The following KIAA1614 variants were observed in gnomAD, a reference collection of about 807,000 sequenced individuals.
KIAA1614 encodes the protein uncharacterized protein KIAA1614.
In KIAA1614, 76 loss-of-function variants were observed where a neutral mutation model predicts 88.7. That is an observed-to-expected ratio of 0.86 (90% CI 0.71 to 1.04). The LOEUF (loss-of-function observed/expected upper bound fraction) is 1.04, where lower values mean the gene tolerates loss of function less well. Ranked by LOEUF, KIAA1614 falls within the 50% of genes least tolerant of loss-of-function variation. KIAA1614 has a pLI of 0.00. For synonymous variants in KIAA1614, 714 were observed against 675.5 expected (o/e 1.06, Z -0.88); for missense variants, 1,553 against 1,582.5 (o/e 0.98, Z 0.32).
rs3820314 is a variant in KIAA1614 at position 180,951,041 on chromosome 1, A to G, written c.*5453A>G. The G allele has an allele frequency of 0.76, 114,983 of 152,120 alleles. 43,535 individuals carry two copies. The highest frequency in any genetic ancestry group is 0.79 in the South Asian group (3,832 of 4,822). The allele number at this position is 152,120 out of a possible 1,614,324, so 9.4% of individuals were successfully genotyped here. Reference sequence around the variant, plus strand: ...CCAGAAATGGGCAAAGTGTCCCGGAATACCAGCCTTACAGCCATTGACCAT... The same window carrying G: ...CCAGAAATGGGCAAAGTGTCCCGGAGTACCAGCCTTACAGCCATTGACCAT... On this transcript the variant is annotated 3_prime_UTR_variant, in exon 9 of 9. Coordinates refer to ENST00000367588, the MANE Select transcript of KIAA1614 (RefSeq NM_020950.2).
At chr1:180,926,474 GAAAAAAAA>G (rs60582450) in intron 3 of KIAA1614, among the ~76,000 whole-genome samples, 23,658 of 126,962 alleles carry the variant, frequency 0.19, 2,990 homozygotes, top group African/African-American at 0.39. Flanking sequence ...CAGCTGATGA[GAAAAAAAA>G]AAAAAAAAAA....
Position 180,951,032 on chromosome 1 carries a change from T to C in KIAA1614, c.*5444T>C, listed in dbSNP as rs568290202. 6.6e-6 allele frequency: 1 copy of C among 152,376 alleles called. No individual in the cohort carries two copies. The highest frequency in any genetic ancestry group is 1.9e-4 in the East Asian group (1 of 5,188). The allele number at this position is 152,376 out of a possible 1,614,324, so 9.4% of individuals were successfully genotyped here. ...GCCCTTTATCCAGAAATGGGCAAAG[T>C]GTCCCGGAATACCAGCCTTACAGCC... On this transcript the variant is annotated 3_prime_UTR_variant, in exon 9 of 9. Coordinates refer to ENST00000367588, the MANE Select transcript of KIAA1614 (RefSeq NM_020950.2).
At position 180,949,451 on chromosome 1, in the gene KIAA1614, C is replaced by T. The variant is rs538128081; in HGVS notation, c.*3863C>T. 3.3e-5 allele frequency: 5 copies of T among 152,440 alleles called. No homozygotes were observed. In the South Asian group the frequency reaches 6.2e-4, roughly 19 times the overall value. 9.4% of individuals were successfully genotyped at this position (152,440 alleles called of 1,614,324 possible). On this transcript the variant is annotated 3_prime_UTR_variant, in exon 9 of 9. Transcript: ENST00000367588. ...AAAGGTTTCCAGCCGCGGTTGAGGC[C>T]GGCGGGCGGGGGTTGGGGGCAGGGG...
At chr1:180,938,452 A>G in intron 5 of KIAA1614, 103 bp from the exon 6 acceptor site, 1 of 1,318,478 alleles carries the variant, frequency 7.6e-7, no homozygotes, top group South Asian at 1.4e-5. Flanking sequence ...CCACCTCTCC[A>G]GCTTCTTCTC....
intron 3 of KIAA1614, among the ~76,000 whole-genome samples, chr1:180,925,573 G>A (rs1266335410): frequency 6.6e-6 from 1 of 152,234 alleles, no homozygotes; most frequent in Non-Finnish European, 1.5e-5. Context: ...CTGTCCCCTT[G>A]ACCTCCTTGG....
intron 3 of KIAA1614, among the ~76,000 whole-genome samples, chr1:180,919,518 G>C: frequency 6.6e-6 from 1 of 152,222 alleles, no homozygotes; most frequent in South Asian, 2.1e-4. Context: ...GGAGGAGAGG[G>C]CTGGGGCAGA....
chr1:180,943,188 G>A (rs1049936766), intron 7 of KIAA1614, among the ~76,000 whole-genome samples: 1 of 152,020 alleles, frequency 6.6e-6, no homozygotes, highest in Non-Finnish European at 1.5e-5. Flanking sequence ...CACCACAGCC[G>A]GCTAATTTTT....
In KIAA1614 at chr1:180,935,288, C is replaced by T; in HGVS notation, c.1379C>T (p.Ala460Val). ...VRFEDESARE[A>V]EFRHLERLQQ... ...TTTGAGGATGAGTCCGCCCGCGAAGCCGAGTTCCGTCACCTGGAGCGGCTG... is the reference window on the plus strand; with the variant it reads ...TTTGAGGATGAGTCCGCCCGCGAAGTCGAGTTCCGTCACCTGGAGCGGCTG... Residue 460 changes from alanine to valine, a missense_variant, in exon 5 of 9, where the codon GCC becomes GTC. By Grantham distance (64) the Ala-to-Val change is moderately conservative. Transcript: ENST00000367588. This position sits in a 1 kb window ranked among gnomAD's most constrained non-coding sequence, Gnocchi z 6.1. 4 of 1,501,488 alleles carry T rather than the reference C, an allele frequency of 2.7e-6. No homozygotes were observed. Among genetic ancestry groups the T allele is most frequent in the Non-Finnish European group, 2.7e-6 (3 of 1,129,198 alleles). The allele number at this position is 1,501,488 out of a possible 1,614,324, so 93.0% of individuals were successfully genotyped here. A position where few individuals can be genotyped will look rare whatever the true frequency, so the allele number is the denominator to read the frequency against.
chr1:180,932,260 G>C (rs1284676725), intron 4 of KIAA1614, among the ~76,000 whole-genome samples: 1 of 152,050 alleles, frequency 6.6e-6, no homozygotes, highest in Non-Finnish European at 1.5e-5. Flanking sequence ...CAGCAGCGGG[G>C]TGTCCTGCTC....
In KIAA1614 at chr1:180,945,591, C is replaced by G. The variant is rs202098581; in HGVS notation, c.*3C>G. On this transcript the variant is annotated 3_prime_UTR_variant, in exon 9 of 9. Transcript: ENST00000367588. The stretch of plus-strand genomic sequence containing the variant: ...AGGCTTTTCTGGTCTTTGGCTGAGC[C>G]GTGCAGCTCTGGGAATTCAGAAAGC... 3.6e-5 allele frequency: 58 copies of G among 1,601,218 alleles called. No homozygotes were observed. Among genetic ancestry groups the G allele is most frequent in the Non-Finnish European group, 4.8e-5 (56 of 1,176,766 alleles).
rs779273287 is a variant in KIAA1614, at chr1:180,935,585, C to T, written c.1676C>T (p.Thr559Ile). 6.8e-6 allele frequency: 11 copies of T among 1,609,280 alleles called. No homozygotes were observed. In the African/African-American group the frequency reaches 1.2e-4, roughly 18 times the overall value. The part of the protein sequence containing the change: ...AQGKAPPVPR[T>I]LQELQAACGM... ...GGGAAGGCGCCCCCCGTCCCCAGGACCCTCCAGGAGCTCCAGGCTGCCTGT... is the reference window on the plus strand; with the variant it reads ...GGGAAGGCGCCCCCCGTCCCCAGGATCCTCCAGGAGCTCCAGGCTGCCTGT... Residue 559 changes from threonine to isoleucine, a missense_variant, in exon 5 of 9, where the codon ACC becomes ATC. Coordinates refer to ENST00000367588, the MANE Select transcript of KIAA1614 (RefSeq NM_020950.2). The surrounding 1 kb of genome is among the most constrained non-coding windows in gnomAD (Gnocchi z 6.1).
Position 180,913,091 on chromosome 1 carries a change from C to G in KIAA1614, c.-153C>G, listed in dbSNP as rs1194435556. On this transcript the variant is annotated 5_prime_UTR_variant, in exon 1 of 9. Transcript: ENST00000367588. The stretch of plus-strand genomic sequence containing the variant: ...CCGGGAGCTGGCCCGGCCTCGGCGC[C>G]GTCCCGGACCCCCAGTCGGCCGCGC... 3 of 454,542 alleles carry G rather than the reference C, an allele frequency of 6.6e-6. No individual in the cohort carries two copies. The highest frequency in any genetic ancestry group is 4.1e-5 in the African/African-American group (2 of 48,620). The allele number at this position is 454,542 out of a possible 1,614,324, so 28.2% of individuals were successfully genotyped here.
chr1:180,942,037 C>T (rs1418216958), intron 7 of KIAA1614, among the ~76,000 whole-genome samples: 1 of 152,132 alleles, frequency 6.6e-6, no homozygotes, highest in Non-Finnish European at 1.5e-5. Flanking sequence ...TGCCTCAGGC[C>T]GAACTGGGGC....
intron 1 of KIAA1614, among the ~76,000 whole-genome samples, chr1:180,915,184 G>T (rs1321753640): frequency 1.3e-5 from 2 of 152,248 alleles, no homozygotes; most frequent in Non-Finnish European, 2.9e-5. Context: ...GCATAGAGCA[G>T]ATGCCTAATC....
rs1017213266 is a variant in KIAA1614, at chr1:180,916,754, T to A, written c.651T>A (p.Thr217=). Residue 217 remains threonine (T), a synonymous_variant, in exon 2 of 9, where the codon ACT becomes ACA. Coordinates refer to ENST00000367588, the MANE Select transcript of KIAA1614 (RefSeq NM_020950.2). ...AACAGAGCCCGATCCATGGAGTTAC[T>A]CCCGGACGGCCTGGGGGTCCTGGTC... is the stretch of plus-strand genomic sequence containing the variant. ...SLQQSPIHGV[T]PGRPGGPGHC... is the part of the protein sequence containing the mutation. 2.5e-6 allele frequency: 4 copies of A among 1,614,178 alleles called. No homozygotes were observed. Among genetic ancestry groups the A allele is most frequent in the Non-Finnish European group, 3.4e-6 (4 of 1,180,028 alleles).
chr1:180,919,469 T>C (rs1653898575), intron 3 of KIAA1614, among the ~76,000 whole-genome samples: 1 of 152,178 alleles, frequency 6.6e-6, no homozygotes. Context: ...CCTGTTCAAG[T>C]TGCCTTCTGT....
intron 6 of KIAA1614, among the ~76,000 whole-genome samples, chr1:180,939,967 C>T (rs528802425): frequency 5.3e-5 from 8 of 152,352 alleles, no homozygotes; most frequent in African/African-American, 9.6e-5. Context: ...CAACTCCAGG[C>T]GTGGCAGCCC....
intron 5 of KIAA1614, among the ~76,000 whole-genome samples, chr1:180,937,949 G>A (rs1174467952): frequency 1.3e-5 from 2 of 152,200 alleles, no homozygotes; most frequent in Admixed American, 6.5e-5. Flanking sequence ...GAAGCAGAGC[G>A]AGTGAGGCCC....
chr1:180,927,460 C>T (rs56292321), intron 3 of KIAA1614, among the ~76,000 whole-genome samples: 5 of 152,330 alleles, frequency 3.3e-5, no homozygotes, highest in East Asian at 1.9e-4. Flanking sequence ...AATTGACGTT[C>T]GACCTTGAAC....
Sources: allele counts gnomAD v4.1 joint callset (sites outside exome capture counted in the v4.1 genomes callset), GRCh38; gene constraint gnomAD v4.1.1; non-coding constraint Gnocchi (gnomAD v3.1); transcripts MANE v1.5; gene names NCBI Gene and HGNC (gene_info 2026-07-23, HGNC 2026-07-21).